Variants in PCSK1 observed in about 807,000 individuals in gnomAD.
The protein encoded by PCSK1 is proprotein convertase subtilisin/kexin type 1.
A neutral mutation model predicts 90.6 loss-of-function variants in PCSK1; 56 were observed. That is an observed-to-expected ratio of 0.62 (90% CI 0.50 to 0.77). The LOEUF (loss-of-function observed/expected upper bound fraction) is 0.77, where lower values mean the gene tolerates loss of function less well. Ranked by LOEUF, PCSK1 falls within the 30% of genes least tolerant of loss-of-function variation. The pLI is 0.00. For synonymous variants in PCSK1, 348 were observed against 342.4 expected (o/e 1.02, Z -0.18); for missense variants, 801 against 932.6 (o/e 0.86, Z 1.84).
chr5:96,412,424 C>T lies in PCSK1; in HGVS notation c.776G>A (p.Gly259Glu). The change falls in exon 7 of 14, where the codon GGA (glycine) becomes GAA (glutamate). Residue 259 changes from glycine (G) to glutamate (E), a missense_variant. Gly to Glu is a moderately conservative substitution (Grantham distance 98, BLOSUM62 -2). Transcript: ENST00000311106. ...GCTTGCACTGTAAATATCCACGTGT[C>T]CAGGATTGAATCCAATTGAACTGGC... ...IEASSIGFNP[G>E]HVDIYSASWG... is the part of the protein sequence containing the mutation. The T allele has an allele frequency of 1.2e-6, 2 of 1,613,912 alleles. No individual in the cohort carries two copies. The highest frequency in any genetic ancestry group is 1.7e-6 in the Non-Finnish European group (2 of 1,179,822).
chr5:96,407,714 T>TA (rs1441605669), intron 9 of PCSK1, among the ~76,000 whole-genome samples: 1 of 152,214 alleles, frequency 6.6e-6, no homozygotes, highest in Admixed American at 6.5e-5. Flanking sequence ...TGTGAAAATA[T>TA]AAAACTCCTG....
chr5:96,399,812 G>A (rs1760289225), intron 10 of PCSK1, 141 bp downstream of exon 10: 1 of 695,306 alleles, frequency 1.4e-6, no homozygotes, highest in African/African-American at 1.8e-5. Context: ...AGTCCCCATG[G>A]ATACCCACAG....
In PCSK1 at chr5:96,408,226, G is replaced by T. The variant is rs748744463; in HGVS notation, c.1193C>A (p.Ala398Glu). Residue 398 changes from alanine (A) to glutamate (E), a missense_variant, in exon 9 of 14, where the codon GCA becomes GAA. Coordinates refer to ENST00000311106, the MANE Select transcript of PCSK1 (RefSeq NM_000439.5). ...AAGIFALALEANPNLTWRDMQ... is the reference protein window; with the variant it reads ...AAGIFALALEENPNLTWRDMQ... ...TTAGAAGCTTTCTGGGCCTTACTTT[G>T]CTTCCAGGGCCAGAGCGAAGATGCC... 2.7e-5 allele frequency: 44 copies of T among 1,611,174 alleles called. No individual in the cohort carries two copies. The highest frequency in any genetic ancestry group is 3.7e-5 in the Non-Finnish European group (43 of 1,177,448).
At position 96,400,118 on chromosome 5, in the gene PCSK1, T is replaced by C. The variant is rs757407378; in HGVS notation, c.1265A>G (p.Asn422Ser). 11 of 1,614,074 alleles carry C rather than the reference T, an allele frequency of 6.8e-6. No individual in the cohort carries two copies. In the Admixed American group the frequency reaches 1.2e-4, roughly 17 times the overall value. ...TCCATTCTTTTTCCATCCAGGGTTA[T>C]TGGCCAGCGGGTCATACTCAGAGGT... ...VWTSEYDPLA[N>S]NPGWKKNGAG... Residue 422 changes from asparagine to serine, a missense_variant, in exon 10 of 14, where the codon AAT becomes AGT. By Grantham distance (46) the Asn-to-Ser change is conservative. Coordinates refer to ENST00000311106, the MANE Select transcript of PCSK1 (RefSeq NM_000439.5).
chr5:96,414,389 GCCAGGAAGGGATAGTGA>G (rs140850305), intron 6 of PCSK1, among the ~76,000 whole-genome samples: 3,673 of 152,284 alleles, frequency 0.024, 148 homozygotes, highest in African/African-American at 0.084. Context: ...AGAGATTGAG[GCCAGGAAGGGATAGTGA>G]CTTGCTCAAG....
chr5:96,392,995 C>T lies in PCSK1; in HGVS notation c.*6G>A. On this transcript the variant is annotated 3_prime_UTR_variant, in exon 14 of 14. Coordinates refer to ENST00000311106, the MANE Select transcript of PCSK1 (RefSeq NM_000439.5). ...AATATTTCCAACTTGGGACCACACA[C>T]TTATTTTAATTTTCCTCATTCAGAA... is the stretch of plus-strand genomic sequence containing the variant. The T allele has an allele frequency of 6.2e-7, 1 of 1,614,054 alleles. No homozygotes were observed. Among genetic ancestry groups the T allele is most frequent in the Non-Finnish European group, 8.5e-7 (1 of 1,179,920 alleles).
intron 5 of PCSK1, among the ~76,000 whole-genome samples, chr5:96,418,778 C>T (rs1373236887): frequency 2.0e-5 from 3 of 152,120 alleles, no homozygotes; most frequent in East Asian, 3.9e-4. Flanking sequence ...AAGGATGCCA[C>T]CTTTTTGGTT....
intron 5 of PCSK1, 83 bp downstream of exon 5, chr5:96,421,797 G>T (rs907306382): frequency 2.5e-5 from 21 of 828,428 alleles, no homozygotes; most frequent in Non-Finnish European, 4.3e-5. Flanking sequence ...CTGGAATGTG[G>T]ATGAAATATA....
At chr5:96,397,763 GGAA>G (rs1204401882) in intron 11 of PCSK1, among the ~76,000 whole-genome samples, 1 of 151,956 alleles carries the variant, frequency 6.6e-6, no homozygotes, top group African/African-American at 2.4e-5. Context: ...ATTTAAATAA[GGAA>G]AACTCGGCGA....
In PCSK1 at chr5:96,408,288, C is replaced by G; in HGVS notation, c.1131G>C (p.Thr377=). 6.2e-7 allele frequency: 1 copy of G among 1,613,936 alleles called. No homozygotes were observed. Among genetic ancestry groups the G allele is most frequent in the South Asian group, 1.1e-5 (1 of 91,052 alleles). ...GTGCAGAGGCCGAGGTGCCTGTGTG[C>G]GTCTCCGTGCAGTCATTGTGCAGGT... is the stretch of plus-strand genomic sequence containing the variant. The part of the protein sequence containing the change: ...SADLHNDCTE[T]HTGTSASAPL... The change falls in exon 9 of 14, where the codon ACG becomes ACC. Residue 377 remains threonine, a synonymous_variant. Coordinates refer to ENST00000311106, the MANE Select transcript of PCSK1 (RefSeq NM_000439.5).
Position 96,417,995 on chromosome 5 carries a change from G to A in PCSK1, c.621-1874C>T, listed in dbSNP as rs527739375. On this transcript the variant is annotated intron_variant, in intron 5 of 13. Coordinates refer to ENST00000311106, the MANE Select transcript of PCSK1 (RefSeq NM_000439.5). ...CAAAAGAATCCAGTGCAGGTCTTCAGCCTGAGCCAACAGAATCAATCTGCT... is the reference window on the plus strand; with the variant it reads ...CAAAAGAATCCAGTGCAGGTCTTCAACCTGAGCCAACAGAATCAATCTGCT... Among the ~76,000 whole-genome samples the A allele has an allele frequency of 1.4e-4, 22 of 152,350 alleles. 2 individuals are homozygous for A. The South Asian group carries it at 4.6e-3, about 32-fold the overall frequency.
At chr5:96,426,296 T>C (rs568879671) in intron 2 of PCSK1, among the ~76,000 whole-genome samples, 168 of 152,344 alleles carry the variant, frequency 1.1e-3, no homozygotes, top group Non-Finnish European at 1.9e-3. Context: ...AAAATTTGTC[T>C]GCTTTTATGG....
intron 8 of PCSK1, among the ~76,000 whole-genome samples, chr5:96,409,087 C>A (rs1406184346): frequency 6.6e-6 from 1 of 152,188 alleles, no homozygotes; most frequent in African/African-American, 2.4e-5. Context: ...ACATAATTTT[C>A]TTGCAAGTAA....
chr5:96,400,226 T>C, intron 9 of PCSK1, 40 bp from the exon 10 acceptor site: 2 of 1,449,936 alleles, frequency 1.4e-6, no homozygotes, highest in Non-Finnish European at 1.9e-6. Flanking sequence ...CAGAGAAAAA[T>C]GAAGTTTCCT....
At chr5:96,412,277 G>A in intron 7 of PCSK1, 41 bp downstream of exon 7, 2 of 1,514,250 alleles carry the variant, frequency 1.3e-6, no homozygotes, top group Non-Finnish European at 1.8e-6. Context: ...TATCCAGATG[G>A]TCAGGTTTCA....
At position 96,423,456 on chromosome 5, in the gene PCSK1, C is replaced by A; in HGVS notation, c.400G>T (p.Asp134Tyr). 1 of 1,614,032 alleles carries A rather than the reference C, an allele frequency of 6.2e-7. No individual in the cohort carries two copies. Among genetic ancestry groups the A allele is most frequent in the Admixed American group, 1.7e-5 (1 of 60,014 alleles). ...PMWNQQWYLQDTRMTAALPKL... is the reference protein window; with the variant it reads ...PMWNQQWYLQYTRMTAALPKL... ...GGCAGGGCTGCCGTCATCCTGGTATCTTGCTGGTAAAGAAAAACAACGAAG... is the reference window on the plus strand; with the variant it reads ...GGCAGGGCTGCCGTCATCCTGGTATATTGCTGGTAAAGAAAAACAACGAAG... The change falls in exon 4 of 14, where the codon GAT becomes TAT. Residue 134 changes from aspartate to tyrosine, a missense_variant. Transcript: ENST00000311106.
At chr5:96,427,753 T>A (rs769336630) in intron 2 of PCSK1, among the ~76,000 whole-genome samples, 4 of 152,210 alleles carry the variant, frequency 2.6e-5, no homozygotes, top group Non-Finnish European at 2.9e-5. Flanking sequence ...GAGTTCTATG[T>A]GCATTAATGG....
intron 9 of PCSK1, among the ~76,000 whole-genome samples, chr5:96,405,605 A>C (rs1474714827): frequency 6.6e-6 from 1 of 152,192 alleles, no homozygotes; most frequent in Non-Finnish European, 1.5e-5. Context: ...GGAGGGGTTG[A>C]GGTTGCAGTG....
chr5:96,408,212 C>A lies in PCSK1; in HGVS notation c.1196+11G>T, dbSNP rs1760635728. 1 of 1,600,430 alleles carries A rather than the reference C, an allele frequency of 6.2e-7. No individual in the cohort carries two copies. Among genetic ancestry groups the A allele is most frequent in the Non-Finnish European group, 8.6e-7 (1 of 1,167,768 alleles). ...CTTTGTAAAGGTGATTAGAAGCTTT[C>A]TGGGCCTTACTTTGCTTCCAGGGCC... On this transcript the variant is annotated intron_variant, in intron 9 of 13. Coordinates refer to ENST00000311106, the MANE Select transcript of PCSK1 (RefSeq NM_000439.5).
Sources: allele counts gnomAD v4.1 joint callset (sites outside exome capture counted in the v4.1 genomes callset), GRCh38; gene constraint gnomAD v4.1.1; transcripts MANE v1.5; gene names NCBI Gene and HGNC (gene_info 2026-07-23, HGNC 2026-07-21).